Variants in ADAM32 observed in about 807,000 individuals in gnomAD.
The protein encoded by ADAM32 is ADAM metallopeptidase domain 32, also known as disintegrin and metalloproteinase domain-containing protein 32.
A neutral mutation model predicts 114.9 loss-of-function variants in ADAM32; 89 were observed. That is an observed-to-expected ratio of 0.77 (90% CI 0.65 to 0.92). ADAM32 has a LOEUF of 0.92. Among genes scored for constraint, ADAM32 ranks in the 40% least tolerant of loss-of-function variants. The pLI, the probability that ADAM32 is intolerant of heterozygous loss-of-function variation, is 0.00. For synonymous variants in ADAM32, 285 were observed against 307.5 expected, an observed-to-expected ratio of 0.93 and a Z score of 0.77; for missense variants, 870 against 932.8, an observed-to-expected ratio of 0.93 and a Z score of 0.88.
chr8:39,198,460 C>G (rs910745527), intron 11 of ADAM32, among the ~76,000 whole-genome samples: 1 of 152,158 alleles, frequency 6.6e-6, no homozygotes, highest in Non-Finnish European at 1.5e-5. Context: ...TCACTGCAAC[C>G]TCTGCCTCCC....
At chr8:39,279,472 C>T (rs201920564) in intron 22 of ADAM32, among the ~76,000 whole-genome samples, 29 of 152,154 alleles carry the variant, frequency 1.9e-4, no homozygotes, top group East Asian at 1.4e-3. Flanking sequence ...TTAGTAGAGA[C>T]GGGGTTTCAC....
rs1217527901 is a variant in ADAM32 at position 39,107,734 on chromosome 8, G to C, written c.-42G>C. 1 of 1,550,088 alleles carries C rather than the reference G, an allele frequency of 6.5e-7. No individual in the cohort carries two copies. Among genetic ancestry groups the C allele is most frequent in the Non-Finnish European group, 8.7e-7 (1 of 1,146,578 alleles). Reference sequence around the variant, plus strand: ...CGTCCCCGCGTCCCTGGCAATTCCCGACTTCCCAACGGCTTCCCGCTGGCA... The same window carrying C: ...CGTCCCCGCGTCCCTGGCAATTCCCCACTTCCCAACGGCTTCCCGCTGGCA... On this transcript the variant is annotated 5_prime_UTR_variant, in exon 1 of 25. Coordinates refer to ENST00000379907, the MANE Select transcript of ADAM32 (RefSeq NM_145004.7).
At chr8:39,136,019 C>A (rs546490820) in intron 2 of ADAM32, among the ~76,000 whole-genome samples, 21 of 152,140 alleles carry the variant, frequency 1.4e-4, no homozygotes, top group Non-Finnish European at 2.9e-4. Context: ...ATATTTGTGT[C>A]CTTTTCATTT....
chr8:39,284,357 TTA>T (rs1813640039), intron 24 of ADAM32, among the ~76,000 whole-genome samples: 1 of 141,430 alleles, frequency 7.1e-6, no homozygotes, highest in South Asian at 2.1e-4. Context: ...CAAAATACTG[TTA>T]TACACACACA....
At chr8:39,255,602 G>A (rs916516724) in intron 18 of ADAM32, among the ~76,000 whole-genome samples, 6 of 151,876 alleles carry the variant, frequency 4.0e-5, no homozygotes, top group African/African-American at 1.2e-4. Flanking sequence ...ATTTGTTTGG[G>A]TTCCTTATAG....
At chr8:39,267,583 C>A (rs1450348776) in intron 19 of ADAM32, among the ~76,000 whole-genome samples, 2 of 152,154 alleles carry the variant, frequency 1.3e-5, no homozygotes, top group Non-Finnish European at 2.9e-5. Context: ...CAAAGAAGAA[C>A]CAGCACTGAG....
At chr8:39,220,837 G>T (rs118024714) in intron 12 of ADAM32, 1 of 151,990 alleles carries the variant, frequency 6.6e-6, no homozygotes, top group East Asian at 1.9e-4. Flanking sequence ...TTAGCATATG[G>T]TCTATTCTGA....
intron 2 of ADAM32, among the ~76,000 whole-genome samples, chr8:39,123,495 T>C (rs1216945811): frequency 6.6e-6 from 1 of 152,128 alleles, no homozygotes; most frequent in Non-Finnish European, 1.5e-5. Flanking sequence ...TTCCTTGTGG[T>C]TCCCTCCAAA....
At chr8:39,281,501 G>T (rs1439539502) in intron 23 of ADAM32, among the ~76,000 whole-genome samples, 1 of 152,082 alleles carries the variant, frequency 6.6e-6, no homozygotes, top group Non-Finnish European at 1.5e-5. Context: ...TTTATTCTGG[G>T]ATACACAAAG....
chr8:39,168,492 G>T (rs999062049), intron 9 of ADAM32: 1 of 152,184 alleles, frequency 6.6e-6, no homozygotes, highest in African/African-American at 2.4e-5. Context: ...ACAGTTTGCT[G>T]TTTAATCATA....
At chr8:39,152,970 C>T (rs982032942) in intron 6 of ADAM32, among the ~76,000 whole-genome samples, 1 of 152,118 alleles carries the variant, frequency 6.6e-6, no homozygotes, top group East Asian at 1.9e-4. Context: ...GACATACTGA[C>T]ATGTAATGGT....
At chr8:39,248,562 C>T (rs571624619) in intron 17 of ADAM32, among the ~76,000 whole-genome samples, 1 of 152,164 alleles carries the variant, frequency 6.6e-6, no homozygotes, top group Non-Finnish European at 1.5e-5. Context: ...ATGCTACAAT[C>T]ACTTGTTAGT....
rs538542166 is a variant in ADAM32 at position 39,237,986 on chromosome 8, G to A, written c.1818+3904G>A. On this transcript the variant is annotated intron_variant, in intron 16 of 24. Coordinates refer to ENST00000379907, the MANE Select transcript of ADAM32 (RefSeq NM_145004.7). ...AGGCCAGCCAACTCAAGCCATTACAGCAGTTCATAACAGAACAACCCTGCT... is the reference window on the plus strand; with the variant it reads ...AGGCCAGCCAACTCAAGCCATTACAACAGTTCATAACAGAACAACCCTGCT... Among the ~76,000 whole-genome samples the A allele has an allele frequency of 6.6e-5, 10 of 152,292 alleles. 2 individuals carry two copies. The highest frequency in any genetic ancestry group is 6.5e-4 in the Admixed American group (10 of 15,296).
chr8:39,281,982 G>A (rs1461147738), intron 23 of ADAM32, among the ~76,000 whole-genome samples: 2 of 152,188 alleles, frequency 1.3e-5, no homozygotes, highest in African/African-American at 4.8e-5. Context: ...GAAAGCTACA[G>A]TATTTCTGTC....
At chr8:39,181,760 A>G (rs1756147225) in intron 10 of ADAM32, among the ~76,000 whole-genome samples, 1 of 152,234 alleles carries the variant, frequency 6.6e-6, no homozygotes. Context: ...ACCATGAGTT[A>G]GATGTGCTGG....
At chr8:39,107,595 G>A, upstream of ADAM32, 1 of 1,409,842 alleles carries the variant, frequency 7.1e-7, no homozygotes, top group Non-Finnish European at 9.2e-7. Context: ...GCCTCGGGGC[G>A]CACGCTGCGG....
At chr8:39,136,403 T>A (rs1174721300) in intron 2 of ADAM32, among the ~76,000 whole-genome samples, 1 of 152,220 alleles carries the variant, frequency 6.6e-6, no homozygotes, top group Admixed American at 6.5e-5. Context: ...GGTTACAGGT[T>A]AGTTACAGGT....
chr8:39,205,864 G>A (rs1267978141), intron 11 of ADAM32, among the ~76,000 whole-genome samples: 4 of 152,078 alleles, frequency 2.6e-5, no homozygotes, highest in Non-Finnish European at 5.9e-5. Context: ...TTCTTTTTCA[G>A]ACGTTTCATA....
chr8:39,175,332 G>A (rs1805458483), intron 10 of ADAM32, among the ~76,000 whole-genome samples: 1 of 152,112 alleles, frequency 6.6e-6, no homozygotes, highest in African/African-American at 2.4e-5. Flanking sequence ...TCCATAGATG[G>A]TTCTTATTAT....
Sources: gnomAD v4.1 joint callset for allele counts (sites outside exome capture counted in the v4.1 genomes callset) on GRCh38, gnomAD v4.1.1 for gene constraint, MANE v1.5 for transcripts, NCBI Gene and HGNC (gene_info 2026-07-23, HGNC 2026-07-21) for gene names.